Variants in SCP2 observed in about 807,000 individuals in gnomAD.
SCP2 encodes SCP-2/3-oxoacyl-CoA thiolase.
In SCP2, 48 loss-of-function variants were observed where a neutral mutation model predicts 71.4. The ratio of observed to expected loss-of-function variants is 0.67; its 90% CI spans 0.53 to 0.86. The LOEUF is 0.86. Among genes scored for constraint, SCP2 ranks in the 40% least tolerant of loss-of-function variants. The pLI is 0.00. For missense variants in SCP2, 560 were observed against 655.6 expected (o/e 0.85, Z 1.59); for synonymous variants, 220 against 218.1 (o/e 1.01, Z -0.08).
rs563810865 is a variant in SCP2, at chr1:52,960,526, G to A, written c.397-977G>A. ...TGTGTGTGTGTGTGTGTGTATATGT[G>A]TGTATATATATGTATGTATATACAT... On this transcript the variant is annotated intron_variant, in intron 5 of 15. Coordinates refer to ENST00000371514, the MANE Select transcript of SCP2 (RefSeq NM_002979.5). 1.8e-3 allele frequency among the ~76,000 whole-genome samples: 243 copies of A among 135,974 alleles called. 2 individuals carry two copies. The East Asian group carries it at 0.029, about 16-fold the overall frequency. 89.2% of individuals were successfully genotyped at this position (135,974 alleles called of 152,430 possible).
intron 11 of SCP2, among the ~76,000 whole-genome samples, chr1:53,010,783 A>C (rs1464374163): frequency 2.6e-5 from 4 of 152,192 alleles, no homozygotes; most frequent in African/African-American, 9.7e-5. Flanking sequence ...ATAACAATAA[A>C]AAAAGGTACT....
intron 1 of SCP2, among the ~76,000 whole-genome samples, chr1:52,928,277 G>A (rs181249716): frequency 1.3e-5 from 2 of 152,368 alleles, no homozygotes; most frequent in African/African-American, 4.8e-5. Context: ...TAGCATGGCA[G>A]CTCCTCTAGA....
intron 11 of SCP2, among the ~76,000 whole-genome samples, chr1:53,000,879 C>T (rs1017043365): frequency 2.0e-5 from 3 of 152,000 alleles, no homozygotes; most frequent in African/African-American, 7.2e-5. Flanking sequence ...AGCTTGAGCC[C>T]AGTAGGCAGA....
intron 3 of SCP2, among the ~76,000 whole-genome samples, chr1:52,950,212 A>C (rs1210127543): frequency 6.6e-6 from 1 of 151,974 alleles, no homozygotes; most frequent in Non-Finnish European, 1.5e-5. Flanking sequence ...ACCTCTGCCT[A>C]CTGGTTCAAG....
At chr1:52,934,372 ATT>A (rs1212479600) in intron 1 of SCP2, among the ~76,000 whole-genome samples, 55 of 151,998 alleles carry the variant, frequency 3.6e-4, no homozygotes, top group African/African-American at 1.3e-3. Flanking sequence ...AGTTTTTGGA[ATT>A]ATATAAAGTC....
intron 12 of SCP2, among the ~76,000 whole-genome samples, chr1:53,018,138 G>A (rs564679382): frequency 2.4e-4 from 37 of 152,222 alleles, no homozygotes; most frequent in Non-Finnish European, 4.1e-4. Flanking sequence ...TACAGGCATG[G>A]ACCATTGCGC....
chr1:52,960,630 A>G (rs946494234), intron 5 of SCP2, among the ~76,000 whole-genome samples: 1 of 144,240 alleles, frequency 6.9e-6, no homozygotes. Context: ...ATGTATGTAT[A>G]TATGTGTATA....
At chr1:53,041,423 A>G (rs1663425134) in intron 14 of SCP2, among the ~76,000 whole-genome samples, 1 of 151,808 alleles carries the variant, frequency 6.6e-6, no homozygotes, top group Non-Finnish European at 1.5e-5. Context: ...AAAAAATGAC[A>G]TGATAGGAAC....
intron 12 of SCP2, among the ~76,000 whole-genome samples, chr1:53,023,212 A>G (rs1469563767): frequency 6.6e-6 from 1 of 152,204 alleles, no homozygotes; most frequent in Non-Finnish European, 1.5e-5. Flanking sequence ...CACTAACTTC[A>G]TGAGCTTTTC....
chr1:52,954,613 C>A, intron 4 of SCP2, 127 bp from the exon 5 acceptor site: 1 of 806,680 alleles, frequency 1.2e-6, no homozygotes, highest in Non-Finnish European at 2.2e-6. Flanking sequence ...ATCTCCCAAA[C>A]TGATGGGACT....
At chr1:52,993,658 G>T (rs1659707917) in intron 11 of SCP2, 1 of 1,612,302 alleles carries the variant, frequency 6.2e-7, no homozygotes, top group African/African-American at 1.3e-5. Flanking sequence ...ACTGCTTTGT[G>T]TAAGAATCTT....
intron 13 of SCP2, among the ~76,000 whole-genome samples, chr1:53,029,439 G>A (rs1196120388): frequency 6.6e-6 from 1 of 151,856 alleles, no homozygotes; most frequent in Non-Finnish European, 1.5e-5. Context: ...ATTTCATTAT[G>A]GATTTTAGAT....
chr1:52,995,755 C>A, intron 11 of SCP2: 1 of 775,554 alleles, frequency 1.3e-6, no homozygotes, highest in Non-Finnish European at 2.4e-6. Context: ...CTGTCTGTGA[C>A]ATCCCACCTC....
intron 11 of SCP2, among the ~76,000 whole-genome samples, chr1:52,997,182 T>G (rs990872073): frequency 7.2e-5 from 11 of 152,174 alleles, no homozygotes; most frequent in Admixed American, 6.6e-4. Context: ...TTTTTTAGAT[T>G]TTTTTCCAGA....
intron 11 of SCP2, among the ~76,000 whole-genome samples, chr1:52,996,606 G>C (rs1045845329): frequency 6.6e-6 from 1 of 152,186 alleles, no homozygotes; most frequent in Middle Eastern, 3.4e-3. Flanking sequence ...CTTTGGAGAG[G>C]TCTGCCCCAC....
chr1:52,992,741 T>G (rs1018135628), intron 11 of SCP2, among the ~76,000 whole-genome samples: 1 of 152,148 alleles, frequency 6.6e-6, no homozygotes, highest in African/African-American at 2.4e-5. Flanking sequence ...GTATTTAAGG[T>G]TAACAAAGGC....
chr1:52,931,395 G>A (rs1653138026), intron 1 of SCP2, among the ~76,000 whole-genome samples: 1 of 152,192 alleles, frequency 6.6e-6, no homozygotes, highest in Non-Finnish European at 1.5e-5. Flanking sequence ...TTTACCACCA[G>A]GTGACTTTAC....
In SCP2 at chr1:52,976,696, C is replaced by A; in HGVS notation, c.601C>A (p.Gln201Lys). The A allele has an allele frequency of 6.5e-7, 1 of 1,546,464 alleles. No homozygotes were observed. The highest frequency in any genetic ancestry group is 8.9e-7 in the Non-Finnish European group (1 of 1,119,070). The change falls in exon 8 of 16, where the codon CAA becomes AAA. Residue 201 changes from glutamine (Q) to lysine (K), a missense_variant. Coordinates refer to ENST00000371514, the MANE Select transcript of SCP2 (RefSeq NM_002979.5). ...TTTTGTATTTAGGTATTCCCAGTTC[C>A]AAGATGAATACAGTTTAGATGAAGT... ...HSVNNPYSQFQDEYSLDEVMA... is the reference protein window; with the variant it reads ...HSVNNPYSQFKDEYSLDEVMA...
chr1:52,970,835 CT>C (rs796368085), intron 6 of SCP2, among the ~76,000 whole-genome samples: 280 of 145,298 alleles, frequency 1.9e-3, no homozygotes, highest in East Asian at 0.019. Flanking sequence ...TTTTCTTTTT[CT>C]TTTTTTTTTA....
Sources: gnomAD v4.1 joint callset for allele counts (sites outside exome capture counted in the v4.1 genomes callset) on GRCh38, gnomAD v4.1.1 for gene constraint, MANE v1.5 for transcripts, NCBI Gene and HGNC (gene_info 2026-07-23, HGNC 2026-07-21) for gene names.